The following NRXN3 variants were observed in gnomAD, a reference collection of about 807,000 sequenced individuals.
NRXN3 encodes the protein neurexin 3.
Under a neutral mutation model 137.6 loss-of-function variants are expected in NRXN3, and 32 were observed. The ratio of observed to expected loss-of-function variants is 0.23; its 90% CI spans 0.18 to 0.31. NRXN3 has a LOEUF of 0.31. Ranked by LOEUF, NRXN3 falls within the 10% of genes least tolerant of loss-of-function variation. The probability of loss-of-function intolerance (pLI) is 1.00; values close to 1 mark genes in which losing one functional copy is unlikely to be tolerated. For synonymous variants in NRXN3, 798 were observed against 784.5 expected (o/e 1.02, Z -0.29); for missense variants, 1,574 against 2,062.5 (o/e 0.76, Z 4.59).
rs150741987 is a variant in NRXN3 at position 78,735,645 on chromosome 14, A to G, written c.2044+20506A>G. Among the ~76,000 whole-genome samples the G allele has an allele frequency of 6.2e-4, 94 of 152,322 alleles. 1 individual carries two copies. The highest frequency in any genetic ancestry group is 2.2e-3 in the African/African-American group (90 of 41,566). Reference sequence around the variant, plus strand: ...CTAAAAGATGACTTCAAAGGGATCAAGCAGGAGAGGTAGAATCTTCTCAGT... The same window carrying G: ...CTAAAAGATGACTTCAAAGGGATCAGGCAGGAGAGGTAGAATCTTCTCAGT... On this transcript the variant is annotated intron_variant, in intron 8 of 20. Transcript: ENST00000335750.
In NRXN3 at chr14:79,365,725, C is replaced by CAAAAAAAAAAAAAAAA. The variant is rs569855024; in HGVS notation, c.3263-101492_3263-101477dup. Reference sequence around the variant, plus strand: ...TGGGCGACAGAGCGAGACTCTGTCTCAAAAAAAAAAAAAAAAAAAGAAAAA... The same window carrying CAAAAAAAAAAAAAAAA: ...TGGGCGACAGAGCGAGACTCTGTCTCAAAAAAAAAAAAAAAAAAAAAAAAAAAAAAAAAAAGAAAAA... On this transcript the variant is annotated intron_variant, in intron 15 of 20. Coordinates refer to ENST00000335750, the MANE Select transcript of NRXN3 (RefSeq NM_001330195.2). Among the ~76,000 whole-genome samples the CAAAAAAAAAAAAAAAA allele has an allele frequency of 6.8e-3, 285 of 42,046 alleles. 13 individuals carry two copies. Among genetic ancestry groups the CAAAAAAAAAAAAAAAA allele is most frequent in the Non-Finnish European group, 9.1e-3 (217 of 23,782 alleles). 27.6% of individuals were successfully genotyped at this position (42,046 alleles called of 152,430 possible).
chr14:78,954,842 A>G (rs1400617098), intron 10 of NRXN3, among the ~76,000 whole-genome samples: 3 of 149,790 alleles, frequency 2.0e-5, no homozygotes, highest in Non-Finnish European at 4.4e-5. Context: ...TCAAATGGAC[A>G]GTTAAATATT....
chr14:78,723,902 A>T (rs1567152682), intron 8 of NRXN3, among the ~76,000 whole-genome samples: 1 of 152,222 alleles, frequency 6.6e-6, no homozygotes, highest in South Asian at 2.1e-4. Flanking sequence ...ATAAGAGAAC[A>T]TACCAAAGCA....
chr14:78,545,415 C>A (rs1198771348), intron 4 of NRXN3, among the ~76,000 whole-genome samples: 1 of 151,898 alleles, frequency 6.6e-6, no homozygotes, highest in Non-Finnish European at 1.5e-5. Flanking sequence ...TTGATGTCTC[C>A]CCTCTTCTCC....
At chr14:78,220,119 A>G (rs996005646) in intron 1 of NRXN3, among the ~76,000 whole-genome samples, 2 of 152,146 alleles carry the variant, frequency 1.3e-5, no homozygotes, top group African/African-American at 4.8e-5. Flanking sequence ...ATACTAAGGA[A>G]GGTAAATTCA....
At chr14:79,747,455 C>A (rs1228786173) in intron 19 of NRXN3, among the ~76,000 whole-genome samples, 2 of 152,004 alleles carry the variant, frequency 1.3e-5, no homozygotes, top group African/African-American at 4.8e-5. Flanking sequence ...AGTGGGAGAA[C>A]CCTGAACTCA....
At chr14:78,339,355 G>A (rs1181665383) in intron 4 of NRXN3, among the ~76,000 whole-genome samples, 1 of 152,084 alleles carries the variant, frequency 6.6e-6, no homozygotes, top group Non-Finnish European at 1.5e-5. Context: ...ATAAATCTAG[G>A]TCCATGCTAC....
chr14:79,377,234 T>C (rs2094329317), intron 15 of NRXN3, among the ~76,000 whole-genome samples: 1 of 152,220 alleles, frequency 6.6e-6, no homozygotes, highest in African/African-American at 2.4e-5. Context: ...GTGGAGTTTC[T>C]TATCAACAAT....
At chr14:79,540,936 TG>T (rs1175627074) in intron 16 of NRXN3, among the ~76,000 whole-genome samples, 2 of 152,154 alleles carry the variant, frequency 1.3e-5, no homozygotes, top group African/African-American at 4.8e-5. Flanking sequence ...TTCTGGAGGT[TG>T]GAAGTCCAAA....
chr14:79,127,845 A>G (rs1342085029), intron 15 of NRXN3, among the ~76,000 whole-genome samples: 6 of 151,720 alleles, frequency 4.0e-5, no homozygotes, highest in Non-Finnish European at 8.8e-5. Context: ...ATCCTCTTTT[A>G]TTTCCTTGAG....
At chr14:79,342,161 C>T (rs2092642127) in intron 15 of NRXN3, among the ~76,000 whole-genome samples, 1 of 152,144 alleles carries the variant, frequency 6.6e-6, no homozygotes, top group Non-Finnish European at 1.5e-5. Flanking sequence ...CCCCAACACA[C>T]TTTGTGACAG....
intron 15 of NRXN3, among the ~76,000 whole-genome samples, chr14:79,034,087 G>A (rs1427942030): frequency 6.6e-6 from 1 of 151,938 alleles, no homozygotes; most frequent in Non-Finnish European, 1.5e-5. Flanking sequence ...AAACCCCAGG[G>A]TCACTTAATT....
At chr14:78,176,031 A>T (rs953911838) in intron 1 of NRXN3, among the ~76,000 whole-genome samples, 3 of 152,164 alleles carry the variant, frequency 2.0e-5, no homozygotes, top group African/African-American at 7.2e-5. Context: ...GACACGTAGT[A>T]GGTGCTCAAC....
At chr14:78,175,395 G>A (rs1490139095) in intron 1 of NRXN3, among the ~76,000 whole-genome samples, 3 of 152,142 alleles carry the variant, frequency 2.0e-5, no homozygotes, top group East Asian at 1.9e-4. Context: ...TCCCCCGGCC[G>A]TGTTCTCCTT....
At chr14:79,628,333 T>C (rs1251994214) in intron 16 of NRXN3, among the ~76,000 whole-genome samples, 1 of 152,230 alleles carries the variant, frequency 6.6e-6, no homozygotes, top group African/African-American at 2.4e-5. Flanking sequence ...AGTTAAGACC[T>C]GTATTGTTTT....
chr14:79,379,624 C>T (rs1364664693), intron 15 of NRXN3, among the ~76,000 whole-genome samples: 1 of 152,066 alleles, frequency 6.6e-6, no homozygotes, highest in Non-Finnish European at 1.5e-5. Flanking sequence ...ATGGTGGGAG[C>T]TTCTATCTTT....
chr14:79,843,648 T>A (rs2099360919), intron 20 of NRXN3, among the ~76,000 whole-genome samples: 1 of 152,230 alleles, frequency 6.6e-6, no homozygotes, highest in African/African-American at 2.4e-5. Context: ...AATATTTAAA[T>A]ATTTTGTCAT....
chr14:78,346,257 G>A (rs1413302814), intron 4 of NRXN3, among the ~76,000 whole-genome samples: 1 of 152,142 alleles, frequency 6.6e-6, no homozygotes, highest in Non-Finnish European at 1.5e-5. Flanking sequence ...GGAATCAGAT[G>A]TCCATCTTCC....
intron 4 of NRXN3, among the ~76,000 whole-genome samples, chr14:78,565,795 G>C (rs2096830956): frequency 6.6e-6 from 1 of 152,058 alleles, no homozygotes; most frequent in South Asian, 2.1e-4. Context: ...ACAGAAGACT[G>C]GCAGAGGCAT....
Sources: allele counts gnomAD v4.1 joint callset (sites outside exome capture counted in the v4.1 genomes callset), GRCh38; gene constraint gnomAD v4.1.1; transcripts MANE v1.5; gene names NCBI Gene and HGNC (gene_info 2026-07-23, HGNC 2026-07-21).